The following ALKBH3 variants were observed in gnomAD, a reference collection of about 807,000 sequenced individuals.
ALKBH3 encodes alpha-ketoglutarate-dependent dioxygenase alkB homolog 3.
A neutral mutation model predicts 43.9 loss-of-function variants in ALKBH3; 51 were observed. That is an observed-to-expected ratio of 1.16 (90% confidence interval 0.93 to 1.47). The LOEUF (loss-of-function observed/expected upper bound fraction) is 1.47, where lower values mean the gene tolerates loss of function less well. ALKBH3 is among the 40% of genes most tolerant of loss of function. ALKBH3 has a pLI of 0.00. For missense variants in ALKBH3, 361 were observed against 351.9 expected (o/e 1.03, Z -0.21); for synonymous variants, 102 against 115.2 (o/e 0.89, Z 0.73).
rs970151188 is a variant in ALKBH3, at chr11:43,880,878, A to C, written c.-372A>C. 1 of 152,296 alleles carries C rather than the reference A, an allele frequency of 6.6e-6. No homozygotes were observed. Among genetic ancestry groups the C allele is most frequent in the South Asian group, 2.1e-4 (1 of 4,822 alleles). 9.4% of individuals were successfully genotyped at this position (152,296 alleles called of 1,614,324 possible). ...ACTGCGGAGTGGGTCAGGGGCTGCG[A>C]GGGCTGCCCCAAGTCCTACCGGGTT... On this transcript the variant is annotated 5_prime_UTR_variant, in exon 1 of 10. Coordinates refer to ENST00000302708, the MANE Select transcript of ALKBH3 (RefSeq NM_139178.4).
intron 4 of ALKBH3, among the ~76,000 whole-genome samples, chr11:43,886,256 C>T (rs1201219080): frequency 6.6e-6 from 1 of 152,176 alleles, no homozygotes; most frequent in African/African-American, 2.4e-5. Context: ...TTAAATGTAT[C>T]CCCTATTCCA....
Position 43,901,504 on chromosome 11 carries a change from T to A in ALKBH3, c.460-12T>A. On this transcript the variant is annotated splice_polypyrimidine_tract_variant and intron_variant, in intron 7 of 9. Coordinates refer to ENST00000302708, the MANE Select transcript of ALKBH3 (RefSeq NM_139178.4). ...CGACTGTCTTGCCCTTTTCTTGGTC[T>A]GTGGATTGCAGTGGCACCCTGTGCT... 1 of 1,612,810 alleles carries A rather than the reference T, an allele frequency of 6.2e-7. No individual in the cohort carries two copies. The highest frequency in any genetic ancestry group is 8.5e-7 in the Non-Finnish European group (1 of 1,179,804).
chr11:43,882,816 A>G (rs1951721191), intron 2 of ALKBH3, 85 bp downstream of exon 2: 1 of 1,366,582 alleles, frequency 7.3e-7, no homozygotes, highest in Non-Finnish European at 9.9e-7. Flanking sequence ...TTTATAATGG[A>G]CTTCCATTTC....
intron 8 of ALKBH3, among the ~76,000 whole-genome samples, chr11:43,902,536 C>T (rs1039828784): frequency 3.9e-5 from 6 of 152,192 alleles, no homozygotes; most frequent in African/African-American, 1.4e-4. Context: ...CCTGATCATT[C>T]AGCTTATAAT....
chr11:43,901,547 G>T lies in ALKBH3; in HGVS notation c.491G>T (p.Arg164Leu), dbSNP rs200996094. 8 of 1,614,024 alleles carry T rather than the reference G, an allele frequency of 5.0e-6. No homozygotes were observed. The highest frequency in any genetic ancestry group is 1.7e-4 in the Middle Eastern group (1 of 5,916). The change falls in exon 8 of 10, where the codon CGC becomes CTC. Residue 164 changes from arginine (R) to leucine (L), a missense_variant. By Grantham distance (102) the Arg-to-Leu change is moderately radical. Transcript: ENST00000302708. ...WHPVLRTLKN[R>L]IEENTGHTFN... ...CCTGTGCTGCGCACACTAAAGAACCGCATTGAAGAGAACACTGGCCACACC... is the reference window on the plus strand; with the variant it reads ...CCTGTGCTGCGCACACTAAAGAACCTCATTGAAGAGAACACTGGCCACACC...
Position 43,900,215 on chromosome 11 carries a change from A to AATTTTT in ALKBH3, c.460-1301_460-1300insATTTTT, listed in dbSNP as rs1554976906. Among the ~76,000 whole-genome samples, 532 of 87,212 alleles carry AATTTTT rather than the reference A, an allele frequency of 6.1e-3. 42 individuals carry two copies. The highest frequency in any genetic ancestry group is 9.1e-3 in the South Asian group (22 of 2,428). The allele number at this position is 87,212 out of a possible 152,430, so 57.2% of individuals were successfully genotyped here. On this transcript the variant is annotated intron_variant, in intron 7 of 9. Coordinates refer to ENST00000302708, the MANE Select transcript of ALKBH3 (RefSeq NM_139178.4). Reference sequence around the variant, plus strand: ...ATTGCATTTTTTTTATTTTAATTTAATTTTTTTTTTTTTTTTTTTTTTTTT... The same window carrying AATTTTT: ...ATTGCATTTTTTTTATTTTAATTTAAATTTTTTTTTTTTTTTTTTTTTTTTTTTTTT...
At chr11:43,892,935 G>A (rs1951794085) in intron 7 of ALKBH3, among the ~76,000 whole-genome samples, 1 of 152,218 alleles carries the variant, frequency 6.6e-6, no homozygotes, top group African/African-American at 2.4e-5. Flanking sequence ...TAAGGAGATA[G>A]CTGCATGCTT....
intron 8 of ALKBH3, among the ~76,000 whole-genome samples, chr11:43,905,131 T>G (rs1386318259): frequency 6.6e-6 from 1 of 152,248 alleles, no homozygotes; most frequent in African/African-American, 2.4e-5. Flanking sequence ...AAGCGTCTGT[T>G]TTGGGCCACT....
intron 7 of ALKBH3, chr11:43,898,090 G>C: frequency 9.7e-7 from 1 of 1,028,020 alleles, no homozygotes; most frequent in South Asian, 1.3e-5. Flanking sequence ...GAGTGGCGAT[G>C]CCCTCAGCAG....
intron 4 of ALKBH3, among the ~76,000 whole-genome samples, chr11:43,885,461 C>T (rs1405499957): frequency 5.2e-4 from 79 of 152,310 alleles, no homozygotes; most frequent in Admixed American, 5.2e-3. Context: ...ACTTAAAAGC[C>T]TAGCTCAGAG....
intron 7 of ALKBH3, among the ~76,000 whole-genome samples, chr11:43,894,764 A>G (rs765541482): frequency 4.6e-5 from 7 of 152,264 alleles, no homozygotes; most frequent in Non-Finnish European, 8.8e-5. Flanking sequence ...TAAAGTAAAT[A>G]GGAAATACAG....
At chr11:43,885,987 C>T (rs766326395) in intron 4 of ALKBH3, among the ~76,000 whole-genome samples, 2 of 151,932 alleles carry the variant, frequency 1.3e-5, no homozygotes, top group Non-Finnish European at 2.9e-5. Context: ...TTGGGGATGC[C>T]GGGTGATGGG....
intron 8 of ALKBH3, among the ~76,000 whole-genome samples, chr11:43,908,219 A>G (rs1465046094): frequency 1.3e-5 from 2 of 152,192 alleles, no homozygotes; most frequent in Admixed American, 1.3e-4. Context: ...TAGGATGAGG[A>G]AGCAGAGAGA....
At position 43,892,094 on chromosome 11, in the gene ALKBH3, A is replaced by T; in HGVS notation, c.424A>T (p.Thr142Ser). The T allele has an allele frequency of 6.2e-7, 1 of 1,613,754 alleles. No homozygotes were observed. Among genetic ancestry groups the T allele is most frequent in the Non-Finnish European group, 8.5e-7 (1 of 1,179,634 alleles). ...AGCATGGTATGGAGAACTTCCTTAC[A>T]CTTATTCAAGAATCACTATGGAACC... ...LTAWYGELPY[T>S]YSRITMEPNP... The change falls in exon 7 of 10, where the codon ACT becomes TCT. Residue 142 changes from threonine to serine, a missense_variant. Coordinates refer to ENST00000302708, the MANE Select transcript of ALKBH3 (RefSeq NM_139178.4).
chr11:43,892,398 T>A (rs1951790743), intron 7 of ALKBH3, among the ~76,000 whole-genome samples: 1 of 152,210 alleles, frequency 6.6e-6, no homozygotes, highest in South Asian at 2.1e-4. Context: ...TCCCAAGCTT[T>A]TCTAGCTGTA....
Position 43,883,936 on chromosome 11 carries a change from G to T in ALKBH3, c.184-47G>T. The T allele has an allele frequency of 1.9e-6, 3 of 1,607,822 alleles. No homozygotes were observed. In the South Asian group the frequency reaches 3.3e-5, roughly 18 times the overall value. On this transcript the variant is annotated intron_variant, in intron 3 of 9. Transcript: ENST00000302708. ...GAAGATATGGTAAGTCAGTATCCTT[G>T]AGGATTAAGAACATCCCAGAAGTAA...
At position 43,886,500 on chromosome 11, in the gene ALKBH3, A is replaced by T. The variant is rs545830326; in HGVS notation, c.219-106A>T. The T allele has an allele frequency of 5.8e-6, 6 of 1,042,730 alleles. No individual in the cohort carries two copies. In the African/African-American group the frequency reaches 7.9e-5, roughly 14 times the overall value. 64.6% of individuals were successfully genotyped at this position (1,042,730 alleles called of 1,614,324 possible). A position where few individuals can be genotyped will look rare whatever the true frequency, so the allele number is the denominator to read the frequency against. ...ATTATGCCTCTCTCATAACTAAATG[A>T]CTTTGGTGAGCCAGGACTTTGGCAG... On this transcript the variant is annotated intron_variant, in intron 4 of 9. Transcript: ENST00000302708.
intron 3 of ALKBH3, among the ~76,000 whole-genome samples, chr11:43,883,699 C>T (rs950795766): frequency 6.6e-6 from 1 of 152,154 alleles, no homozygotes; most frequent in Admixed American, 6.5e-5. Flanking sequence ...TATTTTATAG[C>T]ATATTTTCTA....
chr11:43,909,156 G>C (rs566898619), intron 8 of ALKBH3: 1 of 152,294 alleles, frequency 6.6e-6, no homozygotes, highest in South Asian at 2.1e-4. Context: ...TGTTTTTCTA[G>C]CTGGCTTCTT....
Sources: allele counts gnomAD v4.1 joint callset (sites outside exome capture counted in the v4.1 genomes callset), GRCh38; gene constraint gnomAD v4.1.1; transcripts MANE v1.5; gene names NCBI Gene and HGNC (gene_info 2026-07-23, HGNC 2026-07-21).